Variants in GFRA1 observed in about 807,000 individuals in gnomAD.
GFRA1 encodes the protein GDNF family receptor alpha-1.
A neutral mutation model predicts 51.6 loss-of-function variants in GFRA1; 16 were observed. That is an observed-to-expected ratio of 0.31 (90% CI 0.21 to 0.47). GFRA1 has a LOEUF of 0.47. Ranked by LOEUF, GFRA1 falls within the 20% of genes least tolerant of loss-of-function variation. GFRA1 has a pLI of 1.00. For synonymous variants in GFRA1, 270 were observed against 241.3 expected (o/e 1.12, Z -1.10); for missense variants, 530 against 594.3 (o/e 0.89, Z 1.13).
At chr10:116,180,788 C>A (rs1962141458) in intron 5 of GFRA1, among the ~76,000 whole-genome samples, 1 of 152,134 alleles carries the variant, frequency 6.6e-6, no homozygotes, top group Admixed American at 6.5e-5. Context: ...TGGGTTTCCA[C>A]CACCCCTCCA....
At chr10:116,170,617 C>T (rs925235502) in intron 5 of GFRA1, among the ~76,000 whole-genome samples, 3 of 152,206 alleles carry the variant, frequency 2.0e-5, no homozygotes, top group Non-Finnish European at 4.4e-5. Context: ...AATTTATTCA[C>T]ATTCATTAAG....
At chr10:116,176,990 G>A (rs1961682110) in intron 5 of GFRA1, among the ~76,000 whole-genome samples, 1 of 152,168 alleles carries the variant, frequency 6.6e-6, no homozygotes, top group South Asian at 2.1e-4. Context: ...GGTAAACAAG[G>A]GAGACAGAGA....
chr10:116,075,690 T>A (rs1157085168), intron 9 of GFRA1, among the ~76,000 whole-genome samples: 1 of 152,162 alleles, frequency 6.6e-6, no homozygotes. Flanking sequence ...CCTGCACTTG[T>A]TTGCATGATC....
chr10:116,260,271 G>A (rs151020951), intron 4 of GFRA1, among the ~76,000 whole-genome samples: 1 of 152,300 alleles, frequency 6.6e-6, no homozygotes, highest in Non-Finnish European at 1.5e-5. Context: ...TCACAGCCAG[G>A]ACCAACTGAA....
chr10:116,184,987 T>G (rs897770603), intron 5 of GFRA1, among the ~76,000 whole-genome samples: 19 of 152,066 alleles, frequency 1.2e-4, no homozygotes, highest in African/African-American at 3.6e-4. Flanking sequence ...ACAAGCTTTT[T>G]TGTGTGTGTT....
At chr10:116,129,713 G>A (rs1958026123) in intron 5 of GFRA1, among the ~76,000 whole-genome samples, 1 of 151,934 alleles carries the variant, frequency 6.6e-6, no homozygotes, top group South Asian at 2.1e-4. Context: ...AAGTCACAGG[G>A]TACAAAGTTA....
intron 5 of GFRA1, among the ~76,000 whole-genome samples, chr10:116,137,431 C>T (rs1351497885): frequency 6.6e-6 from 1 of 152,088 alleles, no homozygotes; most frequent in African/African-American, 2.4e-5. Context: ...AATTCAATGC[C>T]TTTCCTCCCA....
chr10:116,130,146 T>A, intron 5 of GFRA1, among the ~76,000 whole-genome samples: 1 of 147,882 alleles, frequency 6.8e-6, no homozygotes, highest in South Asian at 2.1e-4. Context: ...CACTGAAAAA[T>A]AAAAACACTG....
At chr10:116,237,200 G>A (rs1019639194) in intron 4 of GFRA1, among the ~76,000 whole-genome samples, 18 of 152,126 alleles carry the variant, frequency 1.2e-4, no homozygotes, top group Non-Finnish European at 2.6e-4. Context: ...TATACAAACT[G>A]CTCTGCACTT....
At chr10:116,080,648 T>C (rs1209341980) in intron 9 of GFRA1, among the ~76,000 whole-genome samples, 1 of 152,218 alleles carries the variant, frequency 6.6e-6, no homozygotes, top group Non-Finnish European at 1.5e-5. Context: ...TCTAAATCCT[T>C]GGAATTTCTT....
chr10:116,204,005 G>A (rs928708326), intron 5 of GFRA1, among the ~76,000 whole-genome samples: 5 of 152,212 alleles, frequency 3.3e-5, no homozygotes, highest in African/African-American at 1.2e-4. Context: ...TGGGTCTGGC[G>A]TAGAAGCAGA....
intron 5 of GFRA1, among the ~76,000 whole-genome samples, chr10:116,188,546 T>A (rs940751053): frequency 2.0e-5 from 3 of 152,282 alleles, no homozygotes; most frequent in Non-Finnish European, 4.4e-5. Context: ...ATGGTGGTGA[T>A]GGCTGCACAA....
At chr10:116,109,343 G>A (rs1019806835) in intron 6 of GFRA1, among the ~76,000 whole-genome samples, 16 of 152,186 alleles carry the variant, frequency 1.1e-4, no homozygotes, top group African/African-American at 2.7e-4. Context: ...ATGTGCTGCA[G>A]AAGCCCAAAT....
chr10:116,129,700 G>C (rs1392341245), intron 5 of GFRA1, among the ~76,000 whole-genome samples: 3 of 152,136 alleles, frequency 2.0e-5, no homozygotes, highest in African/African-American at 7.2e-5. Flanking sequence ...AGTGAGTTTA[G>C]CAAAGTCACA....
chr10:116,153,724 A>G (rs544085163), intron 5 of GFRA1, among the ~76,000 whole-genome samples: 1 of 152,344 alleles, frequency 6.6e-6, no homozygotes, highest in Admixed American at 6.5e-5. Context: ...AATGCCTAGC[A>G]TAAGGGAAAA....
At chr10:116,093,343 G>A (rs879903868) in intron 8 of GFRA1, among the ~76,000 whole-genome samples, 1 of 152,190 alleles carries the variant, frequency 6.6e-6, no homozygotes, top group Admixed American at 6.5e-5. Context: ...CTCTCCGCAG[G>A]CTGCCAAGAT....
chr10:116,125,910 A>G (rs1323452278), intron 5 of GFRA1, among the ~76,000 whole-genome samples: 1 of 152,260 alleles, frequency 6.6e-6, no homozygotes, highest in Non-Finnish European at 1.5e-5. Context: ...AGAAAAAAAC[A>G]ACAAATTATA....
In GFRA1 at chr10:116,137,651, T is replaced by G. The variant is rs571349271; in HGVS notation, c.434-12094A>C. 2.8e-4 allele frequency among the ~76,000 whole-genome samples: 42 copies of G among 152,314 alleles called. 1 individual carries two copies. The highest frequency in any genetic ancestry group is 4.1e-4 in the South Asian group (2 of 4,822). ...GCAGCGCTTCACATTTACAGGGTTCTTAAAAGACAGTAGCCAAAAGCTTGG... is the reference window on the plus strand; with the variant it reads ...GCAGCGCTTCACATTTACAGGGTTCGTAAAAGACAGTAGCCAAAAGCTTGG... On this transcript the variant is annotated intron_variant, in intron 5 of 10. Coordinates refer to ENST00000355422, the MANE Select transcript of GFRA1 (RefSeq NM_005264.8).
intron 7 of GFRA1, among the ~76,000 whole-genome samples, chr10:116,094,780 A>C (rs1390758344): frequency 6.6e-6 from 1 of 152,228 alleles, no homozygotes; most frequent in African/African-American, 2.4e-5. Context: ...TGAACTAAAT[A>C]ACATCGCATT....
Sources: gnomAD v4.1 joint callset for allele counts (sites outside exome capture counted in the v4.1 genomes callset) on GRCh38, gnomAD v4.1.1 for gene constraint, MANE v1.5 for transcripts, NCBI Gene and HGNC (gene_info 2026-07-23, HGNC 2026-07-21) for gene names.